Variants in RAPGEF4 observed in about 807,000 individuals in gnomAD.
RAPGEF4 encodes Rap guanine nucleotide exchange factor 4.
Under a neutral mutation model 147.9 loss-of-function variants are expected in RAPGEF4, and 66 were observed. The ratio of observed to expected loss-of-function variants is 0.45; its 90% CI spans 0.37 to 0.55. The LOEUF (loss-of-function observed/expected upper bound fraction) is 0.55, where lower values mean the gene tolerates loss of function less well. Among genes scored for constraint, RAPGEF4 ranks in the 20% least tolerant of loss-of-function variants. The pLI is 0.00. For missense variants in RAPGEF4, 1,071 were observed against 1,257.3 expected, an observed-to-expected ratio of 0.85 and a Z score of 2.24; for synonymous variants, 419 against 442.7, an observed-to-expected ratio of 0.95 and a Z score of 0.67.
intron 6 of RAPGEF4, among the ~76,000 whole-genome samples, chr2:172,935,187 A>G (rs1686425835): frequency 6.6e-6 from 1 of 152,118 alleles, no homozygotes; most frequent in Non-Finnish European, 1.5e-5. Flanking sequence ...AAAAAAACCA[A>G]ACAAGAGAGG....
chr2:172,808,083 T>C (rs147654034), intron 3 of RAPGEF4, among the ~76,000 whole-genome samples: 23 of 152,374 alleles, frequency 1.5e-4, no homozygotes, highest in African/African-American at 5.3e-4. Flanking sequence ...CTGATGCTTA[T>C]AGACATTATT....
chr2:172,896,067 T>C (rs1413628573), intron 4 of RAPGEF4, among the ~76,000 whole-genome samples: 1 of 152,192 alleles, frequency 6.6e-6, no homozygotes, highest in Non-Finnish European at 1.5e-5. Context: ...TTTTAAACAT[T>C]TCTTTACAAT....
intron 30 of RAPGEF4, among the ~76,000 whole-genome samples, chr2:173,049,473 A>G (rs1325554039): frequency 6.6e-6 from 1 of 152,174 alleles, no homozygotes; most frequent in Non-Finnish European, 1.5e-5. Flanking sequence ...ACTCAATATG[A>G]TACTATGACA....
At position 172,750,825 on chromosome 2, in the gene RAPGEF4, A is replaced by T. The variant is rs538511753; in HGVS notation, c.65+14777A>T. Among the ~76,000 whole-genome samples the T allele has an allele frequency of 2.0e-5, 3 of 152,322 alleles. No homozygotes were observed. In the South Asian group the frequency reaches 6.2e-4, roughly 32 times the overall value. ...TATTCAGGTGTTTTGCCTGTTAAAA[A>T]AGTCAGATTACTTGTTTTTTTGGTA... On this transcript the variant is annotated intron_variant, in intron 1 of 30. Coordinates refer to ENST00000397081, the MANE Select transcript of RAPGEF4 (RefSeq NM_007023.4).
intron 4 of RAPGEF4, among the ~76,000 whole-genome samples, chr2:172,892,497 C>T (rs1385833390): frequency 6.6e-6 from 1 of 152,330 alleles, no homozygotes; most frequent in Non-Finnish European, 1.5e-5. Context: ...TCCTAACCCA[C>T]AACAGCTTGC....
At chr2:172,921,147 C>A (rs1156837383) in intron 5 of RAPGEF4, among the ~76,000 whole-genome samples, 1 of 151,818 alleles carries the variant, frequency 6.6e-6, no homozygotes, top group Admixed American at 6.6e-5. Context: ...CAGGGTCTCA[C>A]TCTGTCACCC....
At chr2:172,851,901 G>A (rs180759333) in intron 4 of RAPGEF4, among the ~76,000 whole-genome samples, 49 of 152,184 alleles carry the variant, frequency 3.2e-4, no homozygotes, top group South Asian at 2.1e-4. Context: ...TCAAACTCCC[G>A]AGACTTGCAA....
chr2:172,772,155 C>T (rs781507649), intron 1 of RAPGEF4, among the ~76,000 whole-genome samples: 4 of 152,046 alleles, frequency 2.6e-5, no homozygotes, highest in Non-Finnish European at 5.9e-5. Flanking sequence ...GGGAGGATCA[C>T]TTGAGTCCAG....
At chr2:172,944,678 T>A (rs1300017766) in intron 6 of RAPGEF4, among the ~76,000 whole-genome samples, 1 of 152,190 alleles carries the variant, frequency 6.6e-6, no homozygotes, top group Non-Finnish European at 1.5e-5. Context: ...CAAGGGGCTG[T>A]TGTAGCTGTG....
chr2:173,009,704 T>C (rs1017627792), intron 17 of RAPGEF4, among the ~76,000 whole-genome samples: 4 of 152,230 alleles, frequency 2.6e-5, no homozygotes, highest in African/African-American at 9.6e-5. Context: ...TTTAACAGTG[T>C]CTGCTCAGTC....
rs1248642925 is a variant in RAPGEF4, at chr2:172,960,813, G to A, written c.591G>A (p.Lys197=). 1.2e-6 allele frequency: 2 copies of A among 1,603,022 alleles called. No homozygotes were observed. Among genetic ancestry groups the A allele is most frequent in the Non-Finnish European group, 8.5e-7 (1 of 1,173,298 alleles). ...VPLRPANTIT[K]VPSEKILRAG... Reference sequence around the variant, plus strand: ...TTCGTCCTGCTAACACCATTACCAAGGTAATGGGATGTAGGTGGGTTGATG... The same window carrying A: ...TTCGTCCTGCTAACACCATTACCAAAGTAATGGGATGTAGGTGGGTTGATG... The change falls in exon 7 of 31, where the codon AAG becomes AAA. Residue 197 remains lysine, a splice_region_variant and synonymous_variant. Transcript: ENST00000397081.
At chr2:172,813,758 G>A (rs1364621672) in intron 3 of RAPGEF4, among the ~76,000 whole-genome samples, 1 of 151,798 alleles carries the variant, frequency 6.6e-6, no homozygotes, top group Non-Finnish European at 1.5e-5. Flanking sequence ...TGTATAAAAA[G>A]GTAAGATTCC....
At chr2:172,959,612 G>A (rs1284248930) in intron 6 of RAPGEF4, among the ~76,000 whole-genome samples, 1 of 152,018 alleles carries the variant, frequency 6.6e-6, no homozygotes, top group Admixed American at 6.5e-5. Flanking sequence ...GGCATAAATG[G>A]CATTGTATTG....
At chr2:172,735,679 C>A (rs1246419888), upstream of RAPGEF4, among the ~76,000 whole-genome samples, 1 of 151,800 alleles carries the variant, frequency 6.6e-6, no homozygotes, top group Admixed American at 6.5e-5. Flanking sequence ...TGTCCCCCAG[C>A]AGCGGGACCG....
intron 4 of RAPGEF4, among the ~76,000 whole-genome samples, chr2:172,855,579 C>G (rs555437209): frequency 6.6e-6 from 1 of 152,242 alleles, no homozygotes; most frequent in South Asian, 2.1e-4. Flanking sequence ...TACCTTCATT[C>G]TGGAGAGCTT....
rs566798253 is a variant in RAPGEF4, at chr2:172,739,196, G to C, written c.65+3148G>C. ...ACCAACATTGAAAAAAGTCTCAGCA[G>C]ATGTATTGTTAGAGTAAAACAAGCT... On this transcript the variant is annotated intron_variant, in intron 1 of 30. Transcript: ENST00000397081. Among the ~76,000 whole-genome samples, 43 of 152,258 alleles carry C rather than the reference G, an allele frequency of 2.8e-4. No individual in the cohort carries two copies. The South Asian group carries it at 8.7e-3, about 31-fold the overall frequency.
chr2:172,914,419 C>G (rs764544141), intron 4 of RAPGEF4, among the ~76,000 whole-genome samples: 9 of 144,828 alleles, frequency 6.2e-5, no homozygotes, highest in Non-Finnish European at 1.0e-4. Flanking sequence ...ACTGCAACTT[C>G]CACCTTCTGG....
intron 4 of RAPGEF4, among the ~76,000 whole-genome samples, chr2:172,874,020 A>G (rs1695562932): frequency 6.6e-6 from 1 of 152,226 alleles, no homozygotes; most frequent in Non-Finnish European, 1.5e-5. Context: ...ACCAGTTAGA[A>G]TGGCAATCAT....
intron 4 of RAPGEF4, among the ~76,000 whole-genome samples, chr2:172,870,115 CTG>C (rs982645815): frequency 9.8e-5 from 15 of 152,312 alleles, no homozygotes; most frequent in African/African-American, 3.6e-4. Context: ...GCTGTTACCA[CTG>C]TGTGGATACT....
Sources: gnomAD v4.1 joint callset for allele counts (sites outside exome capture counted in the v4.1 genomes callset) on GRCh38, gnomAD v4.1.1 for gene constraint, MANE v1.5 for transcripts, NCBI Gene and HGNC (gene_info 2026-07-23, HGNC 2026-07-21) for gene names.